The following GNA14 variants were observed in gnomAD, a reference collection of about 807,000 sequenced individuals.
GNA14 encodes guanine nucleotide-binding protein subunit alpha-14.
Under a neutral mutation model 42.0 loss-of-function variants are expected in GNA14, and 50 were observed. The observed-to-expected ratio is 1.19, with a 90% confidence interval of 0.95 to 1.51. The LOEUF (loss-of-function observed/expected upper bound fraction) is 1.51. GNA14 is among the 40% of genes most tolerant of loss of function. The pLI is 0.00. For missense variants in GNA14, 473 were observed against 446.2 expected (o/e 1.06, Z -0.54); for synonymous variants, 173 against 163.1 (o/e 1.06, Z -0.46).
chr9:77,493,587 G>A (rs563946417), intron 2 of GNA14, among the ~76,000 whole-genome samples: 1 of 152,258 alleles, frequency 6.6e-6, no homozygotes, highest in East Asian at 1.9e-4. Flanking sequence ...CACTTATTGA[G>A]TGAGTTATAT....
At chr9:77,504,494 C>T (rs976974371) in intron 2 of GNA14, among the ~76,000 whole-genome samples, 11 of 151,000 alleles carry the variant, frequency 7.3e-5, no homozygotes, top group African/African-American at 1.9e-4. Flanking sequence ...GCCTGTTCCT[C>T]ACCAAAAGAA....
At chr9:77,477,813 G>C (rs1836457716) in intron 2 of GNA14, among the ~76,000 whole-genome samples, 1 of 151,992 alleles carries the variant, frequency 6.6e-6, no homozygotes, top group South Asian at 2.1e-4. Flanking sequence ...CCATAAAAAA[G>C]GAAGAATTGG....
chr9:77,608,345 C>T (rs1823671347), intron 1 of GNA14, among the ~76,000 whole-genome samples: 1 of 152,174 alleles, frequency 6.6e-6, no homozygotes, highest in Admixed American at 6.5e-5. Flanking sequence ...AGGAATTTTG[C>T]TTCAGGATGA....
chr9:77,593,083 A>T (rs1174766267), intron 1 of GNA14, among the ~76,000 whole-genome samples: 1 of 152,182 alleles, frequency 6.6e-6, no homozygotes, highest in African/African-American at 2.4e-5. Context: ...CACTTATAAT[A>T]GCCTAATGCT....
At chr9:77,643,767 G>A (rs1280832626) in intron 1 of GNA14, among the ~76,000 whole-genome samples, 1 of 152,138 alleles carries the variant, frequency 6.6e-6, no homozygotes, top group African/African-American at 2.4e-5. Context: ...AAACATTTCT[G>A]TTAAAGCACT....
At chr9:77,568,491 CAAAA>C (rs35795655) in intron 1 of GNA14, among the ~76,000 whole-genome samples, 7 of 126,914 alleles carry the variant, frequency 5.5e-5, no homozygotes, top group South Asian at 2.5e-4. Flanking sequence ...GACTCCATCT[CAAAA>C]AAAAAAAAAA....
At chr9:77,571,755 T>C (rs1823062923) in intron 1 of GNA14, among the ~76,000 whole-genome samples, 1 of 80,968 alleles carries the variant, frequency 1.2e-5, no homozygotes, top group African/African-American at 3.2e-5. Context: ...ACCTCTGCCT[T>C]CAAAAAAAAA....
intron 1 of GNA14, among the ~76,000 whole-genome samples, chr9:77,619,858 T>C (rs1490092888): frequency 1.3e-5 from 2 of 152,202 alleles, no homozygotes; most frequent in Non-Finnish European, 1.5e-5. Context: ...TGCTACTAGA[T>C]AATTCTGCAA....
intron 1 of GNA14, among the ~76,000 whole-genome samples, chr9:77,600,334 A>C (rs769687806): frequency 1.3e-5 from 2 of 152,230 alleles, no homozygotes; most frequent in African/African-American, 4.8e-5. Flanking sequence ...GAGTTCAAGA[A>C]AGAGCTTTCA....
chr9:77,472,815 T>TCTCTCTCC (rs1427205704), intron 2 of GNA14, among the ~76,000 whole-genome samples: 1 of 151,052 alleles, frequency 6.6e-6, no homozygotes, highest in Non-Finnish European at 1.5e-5. Context: ...TCTCTCTCTC[T>TCTCTCTCC]CTCCTCCAAG....
chr9:77,535,948 C>G (rs1837591882), intron 1 of GNA14, among the ~76,000 whole-genome samples: 1 of 151,116 alleles, frequency 6.6e-6, no homozygotes, highest in Non-Finnish European at 1.5e-5. Flanking sequence ...ATAAAATACC[C>G]CTCTGGAGCT....
chr9:77,424,114 A>C lies in GNA14; in HGVS notation c.933T>G (p.Asp311Glu). 6.2e-7 allele frequency: 1 copy of C among 1,613,108 alleles called. No homozygotes were observed. Among genetic ancestry groups the C allele is most frequent in the Non-Finnish European group, 8.5e-7 (1 of 1,179,392 alleles). The change falls in exon 7 of 7, where the codon GAT becomes GAG. Residue 311 changes from aspartate (D) to glutamate (E), a missense_variant. Physicochemically the swap from Asp to Glu is conservative, Grantham distance 45. Coordinates refer to ENST00000341700, the MANE Select transcript of GNA14 (RefSeq NM_004297.4). Reference sequence around the variant, plus strand: ...TGACTTTCTCTTTGTCAGGATTCTGATCTTGGTAAAGCTTCAGGATAAAGT... The same window carrying C: ...TGACTTTCTCTTTGTCAGGATTCTGCTCTTGGTAAAGCTTCAGGATAAAGT... ...ARDFILKLYQ[D>E]QNPDKEKVIY...
At chr9:77,510,271 T>C (rs1431753184) in intron 2 of GNA14, among the ~76,000 whole-genome samples, 1 of 152,208 alleles carries the variant, frequency 6.6e-6, no homozygotes, top group Non-Finnish European at 1.5e-5. Context: ...TTTCCAAGGT[T>C]CATGCATGTT....
At chr9:77,552,836 C>G (rs936613180) in intron 1 of GNA14, among the ~76,000 whole-genome samples, 1 of 152,138 alleles carries the variant, frequency 6.6e-6, no homozygotes, top group Non-Finnish European at 1.5e-5. Context: ...TTGAAATGCC[C>G]ATAACTATCA....
At chr9:77,545,298 G>A (rs183463827) in intron 1 of GNA14, among the ~76,000 whole-genome samples, 2 of 152,232 alleles carry the variant, frequency 1.3e-5, no homozygotes, top group East Asian at 3.9e-4. Context: ...ACAGAATCAA[G>A]TTAAAAATGA....
At chr9:77,607,114 G>A (rs1331428743) in intron 1 of GNA14, among the ~76,000 whole-genome samples, 2 of 152,088 alleles carry the variant, frequency 1.3e-5, no homozygotes, top group Admixed American at 6.6e-5. Flanking sequence ...AGCCCAAGCT[G>A]ATTAAGACAT....
At position 77,529,087 on chromosome 9, in the gene GNA14, A is replaced by G. The variant is rs1837486225; in HGVS notation, c.291T>C (p.Tyr97=). 1 of 1,614,014 alleles carries G rather than the reference A, an allele frequency of 6.2e-7. No homozygotes were observed. Among genetic ancestry groups the G allele is most frequent in the Admixed American group, 1.7e-5 (1 of 60,010 alleles). The stretch of plus-strand genomic sequence containing the variant: ...ACGTTACCTTATTCTGTTCACACAC[A>G]TACTGTATCCTTAGCGTGTCCATCG... ...IRAMDTLRIQ[Y]VCEQNKENAQ... The change falls in exon 2 of 7, where the codon TAT becomes TAC. Residue 97 remains tyrosine, a synonymous_variant. Coordinates refer to ENST00000341700, the MANE Select transcript of GNA14 (RefSeq NM_004297.4).
At chr9:77,454,842 A>G (rs1347565222) in intron 2 of GNA14, among the ~76,000 whole-genome samples, 1 of 152,224 alleles carries the variant, frequency 6.6e-6, no homozygotes, top group African/African-American at 2.4e-5. Context: ...AATGTGACAC[A>G]TATATTAGCA....
intron 1 of GNA14, among the ~76,000 whole-genome samples, chr9:77,579,629 T>C (rs1823184093): frequency 6.6e-6 from 1 of 152,206 alleles, no homozygotes; most frequent in Non-Finnish European, 1.5e-5. Flanking sequence ...TTACTTTCTA[T>C]AGGCATGCCA....
Sources: gnomAD v4.1 joint callset for allele counts (sites outside exome capture counted in the v4.1 genomes callset) on GRCh38, gnomAD v4.1.1 for gene constraint, MANE v1.5 for transcripts, NCBI Gene and HGNC (gene_info 2026-07-23, HGNC 2026-07-21) for gene names.